The following LPCAT2 variants were observed in gnomAD, a reference collection of about 807,000 sequenced individuals.
The protein encoded by LPCAT2 is 1-AGP acyltransferase 11.
In LPCAT2, 58 loss-of-function variants were observed where a neutral mutation model predicts 64.7. The observed-to-expected ratio is 0.90, with a 90% confidence interval of 0.73 to 1.12. The LOEUF (loss-of-function observed/expected upper bound fraction) is 1.12. Among genes scored for constraint, LPCAT2 ranks in the 50% most tolerant of loss-of-function variants. The pLI is 0.00. For synonymous variants in LPCAT2, 252 were observed against 245.3 expected (o/e 1.03, Z -0.26); for missense variants, 579 against 669.8 (o/e 0.86, Z 1.50).
intron 11 of LPCAT2, chr16:55,566,772 G>A: frequency 1.2e-6 from 2 of 1,611,274 alleles, no homozygotes; most frequent in Non-Finnish European, 1.7e-6. Flanking sequence ...TCTTGCAAAG[G>A]CTCTATTGGA....
intron 8 of LPCAT2, chr16:55,539,632 A>G (rs576269256): frequency 6.6e-6 from 1 of 152,294 alleles, no homozygotes; most frequent in South Asian, 2.1e-4. Flanking sequence ...TTCAGGCACT[A>G]AGTATACCAC....
chr16:55,533,938 T>G (rs1471705035), intron 6 of LPCAT2, among the ~76,000 whole-genome samples: 1 of 152,178 alleles, frequency 6.6e-6, no homozygotes, highest in Non-Finnish European at 1.5e-5. Context: ...GGGTTATTGA[T>G]CAAATCAGTT....
intron 11 of LPCAT2, among the ~76,000 whole-genome samples, chr16:55,558,362 T>G (rs755369786): frequency 1.8e-4 from 28 of 152,252 alleles, no homozygotes; most frequent in Non-Finnish European, 3.8e-4. Flanking sequence ...CATTTCATCC[T>G]CCTTCAGCAC....
At chr16:55,539,431 A>T (rs1963369288) in intron 8 of LPCAT2, 1 of 152,194 alleles carries the variant, frequency 6.6e-6, no homozygotes, top group African/African-American at 2.4e-5. Flanking sequence ...TTGATGAATT[A>T]GAATCGTAGT....
chr16:55,567,652 T>G, intron 11 of LPCAT2: 1 of 758,434 alleles, frequency 1.3e-6, no homozygotes, highest in Non-Finnish European at 2.2e-6. Context: ...TGTGCTGCCT[T>G]TTACTGCTGA....
intron 11 of LPCAT2, among the ~76,000 whole-genome samples, chr16:55,562,123 A>C (rs1162534939): frequency 4.6e-5 from 7 of 152,112 alleles, no homozygotes; most frequent in African/African-American, 1.7e-4. Context: ...ATAGCAGTTC[A>C]AACCCCCTTC....
intron 11 of LPCAT2, among the ~76,000 whole-genome samples, chr16:55,570,169 A>T (rs1359127087): frequency 6.6e-6 from 1 of 152,194 alleles, no homozygotes; most frequent in African/African-American, 2.4e-5. Context: ...TATAACCTAT[A>T]AAAAAGGAAA....
intron 1 of LPCAT2, 131 bp downstream of exon 1, chr16:55,509,483 T>G: frequency 2.5e-5 from 23 of 933,536 alleles, no homozygotes; most frequent in South Asian, 3.4e-5. Flanking sequence ...AGTGAGGTGG[T>G]CCGAGGCGGG....
intron 8 of LPCAT2, chr16:55,541,299 A>G (rs1230076584): frequency 6.6e-6 from 1 of 152,006 alleles, no homozygotes; most frequent in Non-Finnish European, 1.5e-5. Context: ...TTGTTTTTTT[A>G]ATTTAAAAAG....
chr16:55,545,688 G>A (rs748871659), intron 8 of LPCAT2, 47 bp from the exon 9 acceptor site: 2 of 1,209,624 alleles, frequency 1.7e-6, no homozygotes, highest in Non-Finnish European at 2.4e-6. Context: ...GGCATTTAAT[G>A]TCTTAGGCTT....
chr16:55,566,282 G>A (rs988650043), intron 11 of LPCAT2, among the ~76,000 whole-genome samples: 1 of 152,022 alleles, frequency 6.6e-6, no homozygotes. Flanking sequence ...AAAGGAAGAG[G>A]ATTAAATATT....
rs1386982840 is a variant in LPCAT2, at chr16:55,529,918, C to T, written c.613C>T (p.Arg205Ter). 38 of 1,610,636 alleles carry T rather than the reference C, an allele frequency of 2.4e-5. No individual in the cohort carries two copies. Among genetic ancestry groups the T allele is most frequent in the Non-Finnish European group, 2.6e-5 (31 of 1,178,648 alleles). ...AAACACAATAAATGAAATAATAAAGCGAACAACATCAGGAGGAGAATGGCC... is the reference window on the plus strand; with the variant it reads ...AAACACAATAAATGAAATAATAAAGTGAACAACATCAGGAGGAGAATGGCC... ...RKNTINEIIK[R>*]TTSGGEWPQI... The change falls in exon 4 of 14, where the codon CGA (arginine) becomes TGA (stop). Residue 205 changes from arginine to a stop codon, truncating the protein, a stop_gained. Coordinates refer to ENST00000262134, the MANE Select transcript of LPCAT2 (RefSeq NM_017839.5). LOFTEE classifies it high-confidence loss of function.
intron 11 of LPCAT2, among the ~76,000 whole-genome samples, chr16:55,561,961 C>G (rs1272740158): frequency 6.6e-6 from 1 of 151,986 alleles, no homozygotes; most frequent in African/African-American, 2.4e-5. Flanking sequence ...TGTCCCTTGG[C>G]TACTATTCTC....
chr16:55,531,829 G>A, intron 4 of LPCAT2, 85 bp from the exon 5 acceptor site: 1 of 831,888 alleles, frequency 1.2e-6, no homozygotes, highest in Non-Finnish European at 2.0e-6. Flanking sequence ...AGCATTGGCA[G>A]CTGTTTGTGA....
chr16:55,515,619 T>C (rs2142388667), intron 1 of LPCAT2, among the ~76,000 whole-genome samples: 1 of 152,320 alleles, frequency 6.6e-6, no homozygotes, highest in East Asian at 1.9e-4. Flanking sequence ...TTTTTTCTCT[T>C]ATCCAACTTT....
intron 9 of LPCAT2, among the ~76,000 whole-genome samples, chr16:55,547,313 T>TTGACACAACTTG (rs1963465255): frequency 1.3e-5 from 2 of 152,318 alleles, no homozygotes; most frequent in African/African-American, 4.8e-5. Flanking sequence ...CTTGATTAGC[T>TTGACACAACTTG]GCACAACTTT....
intron 10 of LPCAT2, among the ~76,000 whole-genome samples, chr16:55,550,683 A>G (rs1311870670): frequency 6.6e-6 from 1 of 152,212 alleles, no homozygotes; most frequent in African/African-American, 2.4e-5. Flanking sequence ...TGGGAGGCCG[A>G]GGCAGGCGGA....
In LPCAT2 at chr16:55,511,393, T is replaced by G. The variant is rs1962930099; in HGVS notation, c.171+2041T>G. On this transcript the variant is annotated intron_variant, in intron 1 of 13. Transcript: ENST00000262134. ...GCATGGTAGAAAAACAATGTCCATA[T>G]TATCCAGTTTAAAAGGTGGACACAC... 2.6e-5 allele frequency among the ~76,000 whole-genome samples: 4 copies of G among 152,166 alleles called. No individual in the cohort carries two copies. In the South Asian group the frequency reaches 8.3e-4, roughly 31 times the overall value.
intron 11 of LPCAT2, among the ~76,000 whole-genome samples, chr16:55,556,756 A>G (rs1434473647): frequency 6.6e-6 from 1 of 152,232 alleles, no homozygotes; most frequent in Non-Finnish European, 1.5e-5. Context: ...TCAAAAAAAA[A>G]AGAGAAAGAA....
Sources: gnomAD v4.1 joint callset for allele counts (sites outside exome capture counted in the v4.1 genomes callset) on GRCh38, gnomAD v4.1.1 for gene constraint, MANE v1.5 for transcripts, NCBI Gene and HGNC (gene_info 2026-07-23, HGNC 2026-07-21) for gene names.